SLC5A4: variants seen among roughly 807,000 people sequenced by gnomAD.
The protein encoded by SLC5A4 is probable glucose sensor protein SLC5A4.
A neutral mutation model predicts 70.3 loss-of-function variants in SLC5A4; 55 were observed. The ratio of observed to expected loss-of-function variants is 0.78; its 90% CI spans 0.63 to 0.98. SLC5A4 has a LOEUF of 0.98. SLC5A4 is among the 50% of genes least tolerant of loss of function. SLC5A4 has a pLI of 0.00. For synonymous variants in SLC5A4, 268 were observed against 305.7 expected, an observed-to-expected ratio of 0.88 and a Z score of 1.29; for missense variants, 735 against 839.2, an observed-to-expected ratio of 0.88 and a Z score of 1.53.
At chr22:32,248,710 C>T (rs761964303) in intron 4 of SLC5A4, 33 bp downstream of exon 4, 1 of 1,465,540 alleles carries the variant, frequency 6.8e-7, no homozygotes, top group Admixed American at 1.7e-5. Context: ...GTGCCTAGAA[C>T]TGAACTCTGG....
chr22:32,252,865 C>A (rs901879914), intron 2 of SLC5A4, among the ~76,000 whole-genome samples: 9 of 152,178 alleles, frequency 5.9e-5, no homozygotes, highest in Non-Finnish European at 1.2e-4. Context: ...AGAGAGGTCT[C>A]TTGAGTGGAC....
In SLC5A4 at chr22:32,229,350, G is replaced by A. The variant is rs1253426112; in HGVS notation, c.1130-6C>T. ...AAGCATCAGGCCTCGCAGTCCTGGA[G>A]CCGGGAAAGGGTACAAGCACTGGTT... On this transcript the variant is annotated splice_region_variant and splice_polypyrimidine_tract_variant and intron_variant, in intron 10 of 14. Coordinates refer to ENST00000266086, the MANE Select transcript of SLC5A4 (RefSeq NM_014227.3). 3 of 1,613,772 alleles carry A rather than the reference G, an allele frequency of 1.9e-6. No homozygotes were observed. The African/African-American group carries it at 4.0e-5, about 22-fold the overall frequency.
the SLC5A4 span, among the ~76,000 whole-genome samples, chr22:32,327,848 A>C: frequency 6.6e-6 from 1 of 152,050 alleles, no homozygotes; most frequent in African/African-American, 2.4e-5. Context: ...CTCCCTGCAC[A>C]CCCTCTGCAC....
At chr22:32,265,809 C>T in the SLC5A4 span, among the ~76,000 whole-genome samples, 1 of 152,104 alleles carries the variant, frequency 6.6e-6, no homozygotes, top group Non-Finnish European at 1.5e-5. Context: ...CACTGCACTC[C>T]AGCCTGGGTG....
the SLC5A4 span, among the ~76,000 whole-genome samples, chr22:32,355,050 G>A: frequency 4.6e-5 from 7 of 152,108 alleles, no homozygotes; most frequent in South Asian, 6.2e-4. Context: ...TGACGCAGGA[G>A]AGCTTGGAAT....
chr22:32,309,983 C>T, the SLC5A4 span, among the ~76,000 whole-genome samples: 3 of 149,000 alleles, frequency 2.0e-5, no homozygotes, highest in South Asian at 6.4e-4. Flanking sequence ...AGGGACTTGG[C>T]AGAGCAGCAG....
chr22:32,300,533 G>A, the SLC5A4 span, among the ~76,000 whole-genome samples: 2 of 150,864 alleles, frequency 1.3e-5, no homozygotes, highest in East Asian at 2.0e-4. Context: ...CACGGTGCGC[G>A]CACCCACTGA....
At chr22:32,279,134 G>A in the SLC5A4 span, among the ~76,000 whole-genome samples, 3 of 152,164 alleles carry the variant, frequency 2.0e-5, no homozygotes, top group Non-Finnish European at 4.4e-5. Context: ...AAATTAGCCG[G>A]GCGTGGTGGC....
At chr22:32,222,937 C>T (rs1925169054) in intron 13 of SLC5A4, among the ~76,000 whole-genome samples, 1 of 152,166 alleles carries the variant, frequency 6.6e-6, no homozygotes, top group Non-Finnish European at 1.5e-5. Context: ...TCCCCACTCC[C>T]TGAGATGCCT....
the SLC5A4 span, among the ~76,000 whole-genome samples, chr22:32,263,216 G>A: frequency 6.6e-6 from 1 of 151,968 alleles, no homozygotes; most frequent in East Asian, 1.9e-4. Flanking sequence ...ACCATGTTGC[G>A]CAGGCTGGTC....
At chr22:32,250,182 A>G (rs1243929627) in intron 3 of SLC5A4, among the ~76,000 whole-genome samples, 1 of 152,272 alleles carries the variant, frequency 6.6e-6, no homozygotes, top group African/African-American at 2.4e-5. Flanking sequence ...TGTGCATGGA[A>G]TGGGCCAGGC....
chr22:32,304,942 G>GAA, the SLC5A4 span, among the ~76,000 whole-genome samples: 1 of 151,928 alleles, frequency 6.6e-6, no homozygotes, highest in Non-Finnish European at 1.5e-5. Flanking sequence ...TTTTCCACGT[G>GAA]AATGTCCACT....
chr22:32,336,030 G>A, the SLC5A4 span, among the ~76,000 whole-genome samples: 2 of 152,260 alleles, frequency 1.3e-5, no homozygotes, highest in South Asian at 2.1e-4. Flanking sequence ...TGAAATAGTG[G>A]GTGAAATAAA....
chr22:32,348,569 T>G, the SLC5A4 span, among the ~76,000 whole-genome samples: 1 of 152,352 alleles, frequency 6.6e-6, no homozygotes, highest in Non-Finnish European at 1.5e-5. Context: ...GAACTCAATA[T>G]GAAACCAAAT....
the SLC5A4 span, among the ~76,000 whole-genome samples, chr22:32,314,452 G>C: frequency 5.3e-5 from 8 of 152,138 alleles, no homozygotes; most frequent in Non-Finnish European, 8.8e-5. Context: ...AGAATTTAAA[G>C]CCCAATGAAC....
chr22:32,263,690 C>A, the SLC5A4 span, among the ~76,000 whole-genome samples: 1 of 152,164 alleles, frequency 6.6e-6, no homozygotes, highest in South Asian at 2.1e-4. Context: ...CCAGCAATCC[C>A]ATTACTGGGT....
At chr22:32,272,390 G>A in the SLC5A4 span, 1 of 907,442 alleles carries the variant, frequency 1.1e-6, no homozygotes, top group South Asian at 1.4e-5. Context: ...CTGCGGGCCA[G>A]CGAGCTGACG....
At chr22:32,306,503 A>C in the SLC5A4 span, among the ~76,000 whole-genome samples, 1 of 141,514 alleles carries the variant, frequency 7.1e-6, no homozygotes, top group South Asian at 2.4e-4. Flanking sequence ...ATAAAGACAA[A>C]AGAGCAACAG....
chr22:32,281,164 C>A, the SLC5A4 span, among the ~76,000 whole-genome samples: 1 of 152,230 alleles, frequency 6.6e-6, no homozygotes, highest in African/African-American at 2.4e-5. Flanking sequence ...GCACACTCCT[C>A]ATTCATGTCA....
Sources: gnomAD v4.1 joint callset for allele counts (sites outside exome capture counted in the v4.1 genomes callset) on GRCh38, gnomAD v4.1.1 for gene constraint, MANE v1.5 for transcripts, NCBI Gene and HGNC (gene_info 2026-07-23, HGNC 2026-07-21) for gene names.